BORCS8: variants seen among roughly 807,000 people sequenced by gnomAD.
BORCS8 encodes the protein BLOC-1 related complex subunit 8, also known as BLOC-1-related complex subunit 8.
In BORCS8, 13 loss-of-function variants were observed where a neutral mutation model predicts 18.7. The ratio of observed to expected loss-of-function variants is 0.70; its 90% CI spans 0.45 to 1.11. The LOEUF (loss-of-function observed/expected upper bound fraction) is 1.11. Among genes scored for constraint, BORCS8 ranks in the 50% least tolerant of loss-of-function variants. BORCS8 has a pLI of 0.00. For missense variants in BORCS8, 165 were observed against 165.7 expected, an observed-to-expected ratio of 1.00 and a Z score of 0.02; for synonymous variants, 68 against 64.8, an observed-to-expected ratio of 1.05 and a Z score of -0.24.
chr19:19,188,244 T>C (rs1391308138), intron 1 of BORCS8, among the ~76,000 whole-genome samples: 1 of 151,764 alleles, frequency 6.6e-6, no homozygotes, highest in Non-Finnish European at 1.5e-5. Flanking sequence ...GTTACCAGGA[T>C]GGTCTCGATC....
intron 2 of BORCS8, 28 bp downstream of exon 2, chr19:19,186,865 C>T (rs1374989088): frequency 6.1e-6 from 9 of 1,479,578 alleles, no homozygotes; most frequent in Middle Eastern, 3.5e-4. Context: ...CTGACAGCCC[C>T]TGCTCCTCCC....
chr19:19,190,216 A>G (rs2060452038), intron 1 of BORCS8, among the ~76,000 whole-genome samples: 1 of 152,202 alleles, frequency 6.6e-6, no homozygotes, highest in Admixed American at 6.6e-5. Flanking sequence ...TTCACAGGAA[A>G]AGTTAAAAGC....
intron 2 of BORCS8, 141 bp downstream of exon 2, chr19:19,186,752 T>TCA: frequency 1.7e-6 from 1 of 592,024 alleles, no homozygotes; most frequent in Non-Finnish European, 2.9e-6. Context: ...TACACACATC[T>TCA]TGCCATCTCC....
In BORCS8 at chr19:19,182,793, C is replaced by T. The variant is rs1259436403; in HGVS notation, c.216-110G>A. ...CTCGGTGGGTACCTCAGTGATTCTG[C>T]GGGCTTCCCGAAGGACTCACAGTGG... On this transcript the variant is annotated intron_variant, in intron 3 of 5. Coordinates refer to ENST00000462790, the MANE Select transcript of BORCS8 (RefSeq NM_001145784.2). The surrounding 1 kb of genome is among the most constrained non-coding windows in gnomAD (Gnocchi z 4.1). 15 of 1,379,918 alleles carry T rather than the reference C, an allele frequency of 1.1e-5. No individual in the cohort carries two copies. Among genetic ancestry groups the T allele is most frequent in the South Asian group, 3.0e-5 (2 of 65,858 alleles). The allele number at this position is 1,379,918 out of a possible 1,614,324, so 85.5% of individuals were successfully genotyped here. A position where few individuals can be genotyped will look rare whatever the true frequency, so the allele number is the denominator to read the frequency against.
chr19:19,181,040 C>T (rs1344221622), intron 4 of BORCS8, among the ~76,000 whole-genome samples: 2 of 151,638 alleles, frequency 1.3e-5, no homozygotes, highest in African/African-American at 4.8e-5. Flanking sequence ...ACTAAAAATA[C>T]AAAAATTAGC....
chr19:19,178,153 T>G (rs1299814548), intron 5 of BORCS8: 1 of 152,262 alleles, frequency 6.6e-6, no homozygotes, highest in Non-Finnish European at 1.5e-5. Context: ...GCCAGGGACT[T>G]GATAGGTGCA....
chr19:19,181,348 T>C (rs2060347855), intron 4 of BORCS8, among the ~76,000 whole-genome samples: 2 of 152,038 alleles, frequency 1.3e-5, no homozygotes, highest in African/African-American at 2.4e-5. Context: ...TAAAGAAATA[T>C]ATATGTATGT....
chr19:19,182,261 C>T lies in BORCS8; in HGVS notation c.326+312G>A, dbSNP rs114005449. The stretch of plus-strand genomic sequence containing the variant: ...AGGGGCCCCGCAGTGTTCTTCACAG[C>T]GCATCTGACATGCTCTTGTCTGCCA... On this transcript the variant is annotated intron_variant, in intron 4 of 5. Coordinates refer to ENST00000462790, the MANE Select transcript of BORCS8 (RefSeq NM_001145784.2). This position sits in a 1 kb window ranked among gnomAD's most constrained non-coding sequence, Gnocchi z 4.1. 1.8e-3 allele frequency: 897 copies of T among 500,540 alleles called. 9 individuals carry two copies. The highest frequency in any genetic ancestry group is 0.017 in the African/African-American group (843 of 50,598). The allele number at this position is 500,540 out of a possible 1,614,324, so 31.0% of individuals were successfully genotyped here.
chr19:19,181,054 G>A (rs2060344014), intron 4 of BORCS8, among the ~76,000 whole-genome samples: 2 of 152,262 alleles, frequency 1.3e-5, no homozygotes, highest in Admixed American at 6.5e-5. Context: ...AATTAGCCAG[G>A]TGTGGTGGCA....
At chr19:19,192,015 G>A in intron 1 of BORCS8, 66 bp downstream of exon 1, 1 of 1,540,492 alleles carries the variant, frequency 6.5e-7, no homozygotes, top group Non-Finnish European at 8.8e-7. Flanking sequence ...TCCGCGCCCG[G>A]CCTTTGTCAG....
In BORCS8 at chr19:19,182,602, G is replaced by A; in HGVS notation, c.297C>T (p.Asp99=). The A allele has an allele frequency of 6.4e-7, 1 of 1,551,242 alleles. No individual in the cohort carries two copies. The highest frequency in any genetic ancestry group is 8.7e-7 in the Non-Finnish European group (1 of 1,146,932). The change falls in exon 4 of 6, where the codon GAC becomes GAT. Residue 99 remains aspartate, a synonymous_variant. Transcript: ENST00000462790. This position sits in a 1 kb window ranked among gnomAD's most constrained non-coding sequence, Gnocchi z 4.1. ...GLLKQAISIR[D]HMNASAQGHS... ...GGCCCTGGGCACTGGCATTCATATG[G>A]TCCCGGATGCTGATGGCCTGTTTGA...
At chr19:19,188,086 G>A (rs1011378618) in intron 1 of BORCS8, among the ~76,000 whole-genome samples, 2 of 151,894 alleles carry the variant, frequency 1.3e-5, no homozygotes, top group African/African-American at 2.4e-5. Context: ...CTGGAGTGTA[G>A]TGGGGCAATC....
rs1394479538 is a variant in BORCS8, at chr19:19,182,525, T to TC, written c.326+47dup. 1 of 1,536,726 alleles carries TC rather than the reference T, an allele frequency of 6.5e-7. No individual in the cohort carries two copies. The highest frequency in any genetic ancestry group is 2.0e-5 in the Admixed American group (1 of 49,290). On this transcript the variant is annotated intron_variant, in intron 4 of 5. Transcript: ENST00000462790. This position sits in a 1 kb window ranked among gnomAD's most constrained non-coding sequence, Gnocchi z 4.1. ...GGTTCCCAGCGCAGCTGAGAGACGG[T>TC]CCTTGCAGCTGGGAGTGGCAGTGGG...
intron 3 of BORCS8, among the ~76,000 whole-genome samples, chr19:19,184,001 G>A (rs1204610591): frequency 1.3e-5 from 2 of 150,504 alleles, no homozygotes; most frequent in Non-Finnish European, 3.0e-5. Context: ...TCCTGCCTCC[G>A]CCTCCCAAGT....
At chr19:19,179,339 C>T (rs966501235) in intron 5 of BORCS8, 11 of 152,826 alleles carry the variant, frequency 7.2e-5, no homozygotes, top group East Asian at 3.9e-4. Context: ...CACCCCACAT[C>T]CAGAGCTAAG....
At chr19:19,184,571 G>A (rs2060388157) in intron 3 of BORCS8, among the ~76,000 whole-genome samples, 1 of 151,812 alleles carries the variant, frequency 6.6e-6, no homozygotes, top group Admixed American at 6.6e-5. Context: ...CAAAGTGCTG[G>A]GATTACAGGT....
intron 5 of BORCS8, chr19:19,180,447 AAGAG>A: frequency 1.7e-6 from 1 of 572,292 alleles, no homozygotes; most frequent in East Asian, 3.1e-5. Context: ...TGGCCTGGAA[AAGAG>A]AGAGGAAGGT....
chr19:19,179,666 G>T (rs554401672), intron 5 of BORCS8: 2 of 152,648 alleles, frequency 1.3e-5, no homozygotes, highest in African/African-American at 2.4e-5. Context: ...ACCTGCCTGC[G>T]TCTGCCCATC....
intron 5 of BORCS8, chr19:19,179,491 G>A (rs112511093): frequency 0.014 from 2,091 of 152,696 alleles, 46 homozygotes; most frequent in East Asian, 0.084. Flanking sequence ...ACATGAATTC[G>A]GCTGCCTCTG....
Sources: gnomAD v4.1 joint callset for allele counts (sites outside exome capture counted in the v4.1 genomes callset) on GRCh38, gnomAD v4.1.1 for gene constraint, Gnocchi (gnomAD v3.1) non-coding constraint, MANE v1.5 for transcripts, NCBI Gene and HGNC (gene_info 2026-07-23, HGNC 2026-07-21) for gene names.